WDR64: variants seen among roughly 807,000 people sequenced by gnomAD.
The protein encoded by WDR64 is WD repeat-containing protein 64.
In WDR64, 112 loss-of-function variants were observed where a neutral mutation model predicts 139.3. The ratio of observed to expected loss-of-function variants is 0.80; its 90% confidence interval spans 0.69 to 0.94. WDR64 has a LOEUF of 0.94. Among genes scored for constraint, WDR64 ranks in the 40% least tolerant of loss-of-function variants. The pLI is 0.00. For synonymous variants in WDR64, 444 were observed against 437.7 expected, an observed-to-expected ratio of 1.01 and a Z score of -0.18; for missense variants, 1,206 against 1,293.1, an observed-to-expected ratio of 0.93 and a Z score of 1.03.
At position 241,780,080 on chromosome 1, in the gene WDR64, CCA is replaced by C. The variant is rs1189999570; in HGVS notation, c.2595+20_2595+21del. 4 of 1,581,690 alleles carry C rather than the reference CCA, an allele frequency of 2.5e-6. No individual in the cohort carries two copies. Among genetic ancestry groups the C allele is most frequent in the Non-Finnish European group, 3.4e-6 (4 of 1,165,262 alleles). On this transcript the variant is annotated intron_variant, in intron 22 of 27. Transcript: ENST00000437684. ...ATGAAAAGGTAAGAACTTCAGTTTT[CCA>C]CTTTAATTTATGAGTCAGCATATAT...
chr1:241,769,187 GT>G (rs776392604), intron 16 of WDR64, among the ~76,000 whole-genome samples: 8 of 152,156 alleles, frequency 5.3e-5, no homozygotes, highest in Non-Finnish European at 1.2e-4. Flanking sequence ...AGACAGGTTA[GT>G]TGAATTAAAA....
At chr1:241,747,558 G>T (rs548408911) in intron 13 of WDR64, among the ~76,000 whole-genome samples, 1 of 152,254 alleles carries the variant, frequency 6.6e-6, no homozygotes, top group African/African-American at 2.4e-5. Flanking sequence ...ATTAGTTGAG[G>T]TCTCAAATGT....
intron 7 of WDR64, 141 bp from the exon 8 acceptor site, chr1:241,687,320 A>C: frequency 1.1e-6 from 1 of 934,260 alleles, no homozygotes; most frequent in East Asian, 2.8e-5. Flanking sequence ...AAAAAAAAAA[A>C]AGGTGTTATA....
At chr1:241,696,113 CAAAAAA>C (rs541301982) in intron 8 of WDR64, among the ~76,000 whole-genome samples, 7 of 22,324 alleles carry the variant, frequency 3.1e-4, no homozygotes, top group African/African-American at 8.4e-4. Flanking sequence ...GACCCAGTAT[CAAAAAA>C]AAAAAAAAAA....
chr1:241,773,047 C>A, intron 20 of WDR64, 116 bp downstream of exon 20: 1 of 1,263,794 alleles, frequency 7.9e-7, no homozygotes, highest in Non-Finnish European at 1.0e-6. Context: ...TTTCAACTTT[C>A]TAGCCAAATT....
chr1:241,728,834 T>TTTTTC (rs921105666), intron 10 of WDR64, among the ~76,000 whole-genome samples: 2 of 150,234 alleles, frequency 1.3e-5, no homozygotes, highest in African/African-American at 4.9e-5. Flanking sequence ...TTTTTTTTTT[T>TTTTTC]CTATGAAGGG....
In WDR64 at chr1:241,728,948, G is replaced by A. The variant is rs12064760; in HGVS notation, c.1194+5512G>A. ...TTGGAAGTGGTATGTAGAAACCTGAGAAAAGGCAGTTTGACTAGATTGTGA... is the reference window on the plus strand; with the variant it reads ...TTGGAAGTGGTATGTAGAAACCTGAAAAAAGGCAGTTTGACTAGATTGTGA... On this transcript the variant is annotated intron_variant, in intron 10 of 27. Coordinates refer to ENST00000437684, the MANE Select transcript of WDR64 (RefSeq NM_001367482.1). Among the ~76,000 whole-genome samples, 4 of 152,082 alleles carry A rather than the reference G, an allele frequency of 2.6e-5. No individual in the cohort carries two copies. The South Asian group carries it at 8.3e-4, about 32-fold the overall frequency.
intron 15 of WDR64, among the ~76,000 whole-genome samples, chr1:241,759,681 A>G (rs1286161699): frequency 1.3e-5 from 2 of 152,058 alleles, no homozygotes; most frequent in Non-Finnish European, 2.9e-5. Context: ...AGCAGTATAT[A>G]GAGATCTTCA....
intron 2 of WDR64, among the ~76,000 whole-genome samples, chr1:241,667,066 A>ACGAC (rs1219365071): frequency 2.6e-5 from 4 of 152,178 alleles, no homozygotes; most frequent in Non-Finnish European, 5.9e-5. Flanking sequence ...ATAAAGTTAA[A>ACGAC]CGACTGTCTG....
intron 10 of WDR64, among the ~76,000 whole-genome samples, chr1:241,734,339 G>A (rs1328932951): frequency 6.6e-6 from 1 of 152,126 alleles, no homozygotes; most frequent in Non-Finnish European, 1.5e-5. Context: ...CCCCCTGAGT[G>A]AGGCTATGTC....
At chr1:241,679,684 C>A in intron 6 of WDR64, 89 bp downstream of exon 6, 1 of 1,045,248 alleles carries the variant, frequency 9.6e-7, no homozygotes, top group Non-Finnish European at 1.4e-6. Flanking sequence ...TATTGAACAT[C>A]AGTTTCTTCA....
chr1:241,760,710 T>TA (rs1670395512), intron 15 of WDR64, among the ~76,000 whole-genome samples: 1 of 148,782 alleles, frequency 6.7e-6, no homozygotes, highest in Non-Finnish European at 1.5e-5. Flanking sequence ...ACATATACTT[T>TA]ACAAAATATA....
intron 2 of WDR64, among the ~76,000 whole-genome samples, chr1:241,663,139 T>C (rs1377775337): frequency 6.6e-6 from 1 of 151,912 alleles, no homozygotes; most frequent in Non-Finnish European, 1.5e-5. Flanking sequence ...AAGCAACAAA[T>C]AGGAGAAAGT....
At chr1:241,768,332 T>A (rs1216255036) in intron 16 of WDR64, among the ~76,000 whole-genome samples, 1 of 152,210 alleles carries the variant, frequency 6.6e-6, no homozygotes, top group African/African-American at 2.4e-5. Context: ...GAAGGTCATT[T>A]AGGCCCAGGT....
chr1:241,757,317 G>T lies in WDR64; in HGVS notation c.1805G>T (p.Trp602Leu). 6.2e-7 allele frequency: 1 copy of T among 1,613,980 alleles called. No homozygotes were observed. The highest frequency in any genetic ancestry group is 8.5e-7 in the Non-Finnish European group (1 of 1,179,970). ...GATGATATCTACCTCATGGTGATCT[G>T]GGAGCTGCCTGATGTTGTGCCTTTC... ...KEDDIYLMVI[W>L]ELPDVVPFLQ... The change falls in exon 15 of 28, where the codon TGG becomes TTG. Residue 602 changes from tryptophan (W) to leucine (L), a missense_variant. Transcript: ENST00000437684.
chr1:241,718,641 A>G (rs1668490231), intron 9 of WDR64, among the ~76,000 whole-genome samples: 1 of 152,122 alleles, frequency 6.6e-6, no homozygotes, highest in South Asian at 2.1e-4. Context: ...AACCCCTCCA[A>G]TATCTTGTTT....
At chr1:241,713,592 T>C in intron 9 of WDR64, among the ~76,000 whole-genome samples, 1 of 107,676 alleles carries the variant, frequency 9.3e-6, no homozygotes, top group East Asian at 2.4e-4. Context: ...GTGTTTGAGA[T>C]TGATTGAGAT....
At chr1:241,737,056 T>C (rs1669356390) in intron 10 of WDR64, among the ~76,000 whole-genome samples, 1 of 152,244 alleles carries the variant, frequency 6.6e-6, no homozygotes, top group South Asian at 2.1e-4. Context: ...TTTGTGTCTC[T>C]TCCTCTACTT....
intron 21 of WDR64, among the ~76,000 whole-genome samples, chr1:241,777,833 T>C (rs1218806221): frequency 1.3e-5 from 2 of 152,196 alleles, no homozygotes; most frequent in South Asian, 2.1e-4. Context: ...TCCAGTTGTC[T>C]TTCTGTTACT....
Sources: gnomAD v4.1 joint callset for allele counts (sites outside exome capture counted in the v4.1 genomes callset) on GRCh38, gnomAD v4.1.1 for gene constraint, MANE v1.5 for transcripts, NCBI Gene and HGNC (gene_info 2026-07-23, HGNC 2026-07-21) for gene names.